HDAC4: variants seen among roughly 807,000 people sequenced by gnomAD.
HDAC4 encodes the protein histone deacetylase 4.
HDAC4 carries 16 observed loss-of-function variants against 135.1 expected under a neutral mutation model. That is an observed-to-expected ratio of 0.12 (90% CI 0.08 to 0.18). The LOEUF (loss-of-function observed/expected upper bound fraction) is 0.18, where lower values mean the gene tolerates loss of function less well. HDAC4 is among the 10% of genes least tolerant of loss of function. HDAC4 has a pLI of 1.00. For missense variants in HDAC4, 1,143 were observed against 1,511.8 expected (o/e 0.76, Z 4.05); for synonymous variants, 685 against 653.4 (o/e 1.05, Z -0.74).
At chr2:239,265,341 G>C in intron 2 of HDAC4, among the ~76,000 whole-genome samples, 1 of 152,324 alleles carries the variant, frequency 6.6e-6, no homozygotes, top group East Asian at 1.9e-4. Flanking sequence ...ACAGACTTTC[G>C]TATCAGGAAG....
chr2:239,311,800 T>G (rs2052892224), intron 2 of HDAC4, among the ~76,000 whole-genome samples: 2 of 152,126 alleles, frequency 1.3e-5, no homozygotes, highest in Admixed American at 6.5e-5. Flanking sequence ...GATGGGGCGG[T>G]GCTTCCTCAC....
chr2:239,393,650 C>T (rs941212318), intron 1 of HDAC4, among the ~76,000 whole-genome samples: 4 of 148,338 alleles, frequency 2.7e-5, no homozygotes, highest in African/African-American at 9.9e-5. Flanking sequence ...CTGGCTCCTG[C>T]ACCACGGCTC....
chr2:239,085,808 G>A (rs1323204119), intron 19 of HDAC4: 2 of 147,300 alleles, frequency 1.4e-5, no homozygotes, highest in Non-Finnish European at 3.0e-5. Context: ...TCTAACACGC[G>A]GATCTGACTA....
chr2:239,093,812 GT>G, intron 17 of HDAC4: 1 of 411,884 alleles, frequency 2.4e-6, no homozygotes, highest in Non-Finnish European at 3.3e-6. Flanking sequence ...TTGCACAGGC[GT>G]GCTGGCTGCA....
intron 3 of HDAC4, among the ~76,000 whole-genome samples, chr2:239,234,909 C>T (rs530244482): frequency 1.8e-3 from 273 of 152,300 alleles, no homozygotes; most frequent in Non-Finnish European, 2.3e-3. Context: ...CTCTTACCCT[C>T]GTGCCACGCC....
intron 17 of HDAC4, 115 bp downstream of exon 17, chr2:239,094,895 A>G: frequency 6.3e-7 from 1 of 1,599,896 alleles, no homozygotes; most frequent in Non-Finnish European, 8.5e-7. Flanking sequence ...GCCCCTGCGT[A>G]TGGAAAACAC....
intron 2 of HDAC4, among the ~76,000 whole-genome samples, chr2:239,247,517 G>A (rs989345668): frequency 1.3e-5 from 2 of 152,144 alleles, no homozygotes; most frequent in Admixed American, 1.3e-4. Context: ...TGCCGCAGCC[G>A]GGGCCCGTGC....
intron 2 of HDAC4, among the ~76,000 whole-genome samples, chr2:239,329,145 T>C (rs931183969): frequency 2.3e-5 from 3 of 129,086 alleles, no homozygotes; most frequent in East Asian, 2.4e-4. Flanking sequence ...ACCCCCCACA[T>C]CCCCCCCAGT....
intron 2 of HDAC4, among the ~76,000 whole-genome samples, chr2:239,237,555 G>A (rs1319444807): frequency 6.7e-6 from 1 of 148,728 alleles, no homozygotes; most frequent in Non-Finnish European, 1.5e-5. Flanking sequence ...GGACAAAAAC[G>A]ACTAACATCA....
chr2:239,166,258 G>C (rs2043117000), intron 5 of HDAC4, among the ~76,000 whole-genome samples: 1 of 152,184 alleles, frequency 6.6e-6, no homozygotes, highest in South Asian at 2.1e-4. Context: ...GGTGGGGCCT[G>C]CACTAGCCAA....
rs191120589 is a variant in HDAC4, at chr2:239,229,006, G to A, written c.94+7587C>T. On this transcript the variant is annotated intron_variant, in intron 3 of 26. Transcript: ENST00000543185. ...AAAATACAAAAACTAGCCGGGCGTG[G>A]TGGCGGGCGCCTGTAATCCCAGCTA... 4.8e-3 allele frequency among the ~76,000 whole-genome samples: 738 copies of A among 152,236 alleles called. 2 individuals carry two copies. The highest frequency in any genetic ancestry group is 8.5e-3 in the Non-Finnish European group (579 of 68,020).
chr2:239,219,408 G>A (rs1475948005), intron 3 of HDAC4, among the ~76,000 whole-genome samples: 1 of 144,094 alleles, frequency 6.9e-6, no homozygotes, highest in Admixed American at 7.2e-5. Context: ...TCATAGGTAG[G>A]AATTGAACAT....
intron 1 of HDAC4, among the ~76,000 whole-genome samples, chr2:239,382,718 ACTTT>A (rs68121381): frequency 0.19 from 28,019 of 148,946 alleles, 2,775 homozygotes; most frequent in African/African-American, 0.23. Flanking sequence ...AACAGCTTAC[ACTTT>A]CTTTTTCTTT....
chr2:239,345,313 C>G (rs1692538050), intron 2 of HDAC4, among the ~76,000 whole-genome samples: 1 of 152,122 alleles, frequency 6.6e-6, no homozygotes. Context: ...CTTTGGGAGG[C>G]CGAGGGGGCA....
chr2:239,116,717 C>T (rs969055248), intron 12 of HDAC4, among the ~76,000 whole-genome samples: 3 of 152,224 alleles, frequency 2.0e-5, no homozygotes, highest in Admixed American at 6.5e-5. Context: ...GCCCCTCCAT[C>T]GTGTGGCCAT....
intron 1 of HDAC4, among the ~76,000 whole-genome samples, chr2:239,374,683 G>A (rs769377476): frequency 1.3e-5 from 2 of 152,156 alleles, no homozygotes; most frequent in Admixed American, 6.5e-5. Flanking sequence ...GATTACAGGC[G>A]TGAGCCACCG....
rs140724685 is a variant in HDAC4 at position 239,139,800 on chromosome 2, C to A, written c.866-4G>T. On this transcript the variant is annotated splice_polypyrimidine_tract_variant and splice_region_variant and intron_variant, in intron 8 of 26. Transcript: ENST00000543185. The surrounding 1 kb of genome is among the most constrained non-coding windows in gnomAD (Gnocchi z 5.3). ...GGGGCGCTGCTGCACGCGGAGTCTGCGGAGGCAGAAATACCCTGGTGAGTG... is the reference window on the plus strand; with the variant it reads ...GGGGCGCTGCTGCACGCGGAGTCTGAGGAGGCAGAAATACCCTGGTGAGTG... 21 of 1,611,062 alleles carry A rather than the reference C, an allele frequency of 1.3e-5. 1 individual carries two copies. The East Asian group carries it at 4.5e-4, about 34-fold the overall frequency.
chr2:239,273,146 T>C (rs557589312), intron 2 of HDAC4, among the ~76,000 whole-genome samples: 1 of 152,276 alleles, frequency 6.6e-6, no homozygotes, highest in East Asian at 1.9e-4. Flanking sequence ...ACAGGAATTA[T>C]ACAAGGTGAC....
chr2:239,246,547 C>T (rs989646193), intron 2 of HDAC4, among the ~76,000 whole-genome samples: 5 of 118,552 alleles, frequency 4.2e-5, no homozygotes, highest in African/African-American at 1.2e-4. Context: ...GTGATGGCCA[C>T]GGCGCCGGCA....
Sources: gnomAD v4.1 joint callset for allele counts (sites outside exome capture counted in the v4.1 genomes callset) on GRCh38, gnomAD v4.1.1 for gene constraint, Gnocchi (gnomAD v3.1) non-coding constraint, MANE v1.5 for transcripts, NCBI Gene and HGNC (gene_info 2026-07-23, HGNC 2026-07-21) for gene names.